Variants in DCC observed in about 807,000 individuals in gnomAD.
DCC encodes netrin receptor DCC.
A neutral mutation model predicts 172.5 loss-of-function variants in DCC; 58 were observed. That is an observed-to-expected ratio of 0.34 (90% CI 0.27 to 0.42). DCC has a LOEUF of 0.42. Among genes scored for constraint, DCC ranks in the 10% least tolerant of loss-of-function variants. DCC has a pLI of 1.00. For missense variants in DCC, 1,740 were observed against 1,791.0 expected (o/e 0.97, Z 0.51); for synonymous variants, 709 against 644.5 (o/e 1.10, Z -1.52).
chr18:52,530,946 A>G (rs1478438899), intron 1 of DCC, among the ~76,000 whole-genome samples: 2 of 152,214 alleles, frequency 1.3e-5, no homozygotes, highest in African/African-American at 2.4e-5. Context: ...AAAGACCTAG[A>G]TAGGTGATGG....
chr18:52,472,640 C>T (rs879831750), intron 1 of DCC, among the ~76,000 whole-genome samples: 9 of 152,160 alleles, frequency 5.9e-5, no homozygotes, highest in South Asian at 2.1e-4. Context: ...CAGTGGCTCA[C>T]GCCTGCTATC....
At chr18:53,035,491 A>G (rs1371070212) in intron 5 of DCC, among the ~76,000 whole-genome samples, 1 of 152,146 alleles carries the variant, frequency 6.6e-6, no homozygotes, top group Non-Finnish European at 1.5e-5. Flanking sequence ...TGCTAAGTGG[A>G]AAATGAAATC....
chr18:52,386,410 A>G (rs1985801547), intron 1 of DCC, among the ~76,000 whole-genome samples: 1 of 152,034 alleles, frequency 6.6e-6, no homozygotes, highest in East Asian at 1.9e-4. Context: ...GATTTTGGTA[A>G]TCCTCATATT....
chr18:53,294,235 A>T (rs72925331), intron 12 of DCC, among the ~76,000 whole-genome samples: 1 of 151,984 alleles, frequency 6.6e-6, no homozygotes, highest in Non-Finnish European at 1.5e-5. Context: ...ATGATTTTTT[A>T]AAAAATAACC....
At chr18:52,394,266 G>T (rs143299755) in intron 1 of DCC, among the ~76,000 whole-genome samples, 169 of 151,794 alleles carry the variant, frequency 1.1e-3, no homozygotes, top group African/African-American at 2.8e-3. Context: ...TTAGGATGAT[G>T]ATTATTATTA....
At chr18:52,907,660 C>T (rs1598918294) in intron 3 of DCC, among the ~76,000 whole-genome samples, 1 of 152,110 alleles carries the variant, frequency 6.6e-6, no homozygotes, top group Admixed American at 6.6e-5. Flanking sequence ...CAGCAATCTG[C>T]CTGCCTCAGC....
intron 1 of DCC, among the ~76,000 whole-genome samples, chr18:52,620,730 T>C (rs2034462879): frequency 6.6e-6 from 1 of 152,186 alleles, no homozygotes; most frequent in Admixed American, 6.5e-5. Flanking sequence ...AAGTAGACGA[T>C]GTCGGAGGAA....
At chr18:53,391,947 T>C in intron 17 of DCC, 60 bp downstream of exon 17, 1 of 970,608 alleles carries the variant, frequency 1.0e-6, no homozygotes, top group Non-Finnish European at 1.7e-6. Flanking sequence ...TAACACATTG[T>C]TTTAAACCTC....
At chr18:52,682,158 A>C (rs2035759593) in intron 1 of DCC, among the ~76,000 whole-genome samples, 2 of 152,122 alleles carry the variant, frequency 1.3e-5, no homozygotes. Context: ...TTGCCCAATT[A>C]ACTCAGGCAC....
chr18:52,452,880 G>T (rs1988348235), intron 1 of DCC, among the ~76,000 whole-genome samples: 1 of 152,220 alleles, frequency 6.6e-6, no homozygotes, highest in Admixed American at 6.5e-5. Context: ...AGTACAACTT[G>T]TACAGAGATC....
chr18:53,002,366 A>G (rs1235101975), intron 5 of DCC, among the ~76,000 whole-genome samples: 1 of 152,170 alleles, frequency 6.6e-6, no homozygotes, highest in African/African-American at 2.4e-5. Flanking sequence ...TGCCCCTGAC[A>G]ATACAGAAAT....
chr18:53,303,282 A>C (rs1302153680), intron 12 of DCC, among the ~76,000 whole-genome samples: 1 of 152,158 alleles, frequency 6.6e-6, no homozygotes, highest in Non-Finnish European at 1.5e-5. Context: ...AAAATCTTTT[A>C]ATATTCTTGT....
rs551796778 is a variant in DCC, at chr18:52,356,650, A to G, written c.91+15772A>G. Reference sequence around the variant, plus strand: ...GCTTTTGAATCTTTTATCCATATTCATCTCTCAATACCTCTATCAAGTGGG... The same window carrying G: ...GCTTTTGAATCTTTTATCCATATTCGTCTCTCAATACCTCTATCAAGTGGG... On this transcript the variant is annotated intron_variant, in intron 1 of 28. Coordinates refer to ENST00000442544, the MANE Select transcript of DCC (RefSeq NM_005215.4). 2.2e-4 allele frequency among the ~76,000 whole-genome samples: 33 copies of G among 152,246 alleles called. No individual in the cohort carries two copies. The South Asian group carries it at 3.7e-3, about 17-fold the overall frequency.
At position 53,429,025 on chromosome 18, in the gene DCC, T is replaced by A. The variant is rs1300947129; in HGVS notation, c.3164-6119T>A. On this transcript the variant is annotated intron_variant, in intron 21 of 28. Transcript: ENST00000442544. ...TATAATATATATTTTATATATTTTT[T>A]ATATAATATATATTTTATATATAAT... is the stretch of plus-strand genomic sequence containing the variant. Among the ~76,000 whole-genome samples, 207 of 60,476 alleles carry A rather than the reference T, an allele frequency of 3.4e-3. 34 individuals carry two copies. Among genetic ancestry groups the A allele is most frequent in the African/African-American group, 1.0e-2 (196 of 19,606 alleles). 39.7% of individuals were successfully genotyped at this position (60,476 alleles called of 152,430 possible).
chr18:53,499,545 A>C (rs1410548652), intron 27 of DCC, 35 bp downstream of exon 27: 10 of 1,543,822 alleles, frequency 6.5e-6, no homozygotes, highest in Non-Finnish European at 9.0e-6. Context: ...TAAAATTCTT[A>C]TTATTATTGG....
At chr18:53,058,098 G>A (rs902889700) in intron 5 of DCC, among the ~76,000 whole-genome samples, 1 of 152,050 alleles carries the variant, frequency 6.6e-6, no homozygotes, top group African/African-American at 2.4e-5. Flanking sequence ...GGCCAGAAAT[G>A]TGCTGAAGAA....
chr18:52,605,981 A>G (rs1486271496), intron 1 of DCC, among the ~76,000 whole-genome samples: 1 of 152,096 alleles, frequency 6.6e-6, no homozygotes, highest in African/African-American at 2.4e-5. Context: ...TTATATTTGC[A>G]TACTACAAAG....
chr18:53,470,222 A>C (rs1415175931), intron 25 of DCC, among the ~76,000 whole-genome samples: 1 of 151,956 alleles, frequency 6.6e-6, no homozygotes, highest in Non-Finnish European at 1.5e-5. Flanking sequence ...CATTATCCTG[A>C]GGCAGGATCT....
intron 23 of DCC, among the ~76,000 whole-genome samples, chr18:53,450,925 G>C (rs923562282): frequency 2.0e-5 from 3 of 152,130 alleles, no homozygotes; most frequent in Non-Finnish European, 4.4e-5. Flanking sequence ...TCATTTTCAA[G>C]TGAGCGCAGG....
Sources: allele counts gnomAD v4.1 joint callset (sites outside exome capture counted in the v4.1 genomes callset), GRCh38; gene constraint gnomAD v4.1.1; transcripts MANE v1.5; gene names NCBI Gene and HGNC (gene_info 2026-07-23, HGNC 2026-07-21).